Variants in TACC2 observed in about 807,000 individuals in gnomAD.
TACC2 encodes transforming acidic coiled-coil-containing protein 2.
Under a neutral mutation model 227.3 loss-of-function variants are expected in TACC2, and 137 were observed. The ratio of observed to expected loss-of-function variants is 0.60; its 90% CI spans 0.52 to 0.69. TACC2 has a LOEUF of 0.69. TACC2 is among the 30% of genes least tolerant of loss of function. TACC2 has a pLI of 0.00. For missense variants in TACC2, 3,470 were observed against 3,694.4 expected (o/e 0.94, Z 1.57); for synonymous variants, 1,523 against 1,487.5 (o/e 1.02, Z -0.55).
intron 2 of TACC2, chr10:122,032,955 G>A: frequency 2.1e-6 from 1 of 484,332 alleles, no homozygotes; most frequent in Non-Finnish European, 3.6e-6. Flanking sequence ...GCAAGACTCT[G>A]TCTCAACAAA....
chr10:121,991,993 A>G (rs1272242245), intron 1 of TACC2, among the ~76,000 whole-genome samples: 1 of 152,166 alleles, frequency 6.6e-6, no homozygotes, highest in Non-Finnish European at 1.5e-5. Flanking sequence ...AGACTTATTC[A>G]CTATCATGAG....
At chr10:122,016,111 G>C (rs2135428013) in intron 1 of TACC2, among the ~76,000 whole-genome samples, 1 of 146,960 alleles carries the variant, frequency 6.8e-6, no homozygotes, top group East Asian at 2.1e-4. Flanking sequence ...AAAATACTAA[G>C]AGTAGCCAGG....
rs59635444 is a variant in TACC2 at position 122,234,441 on chromosome 10, G to T, written c.8128-2954G>T. Among the ~76,000 whole-genome samples, 1,135 of 152,334 alleles carry T rather than the reference G, an allele frequency of 7.5e-3. 19 individuals carry two copies. The highest frequency in any genetic ancestry group is 0.026 in the African/African-American group (1,086 of 41,576). On this transcript the variant is annotated intron_variant, in intron 16 of 22. Transcript: ENST00000369005. ...GGCCCCTCTAAAGTAGCAAGTGGGGGTTATGTGAGAGAAACAAAGCTTAAT... is the reference window on the plus strand; with the variant it reads ...GGCCCCTCTAAAGTAGCAAGTGGGGTTTATGTGAGAGAAACAAAGCTTAAT...
At chr10:122,009,330 A>G (rs1253470700) in intron 1 of TACC2, among the ~76,000 whole-genome samples, 1 of 152,122 alleles carries the variant, frequency 6.6e-6, no homozygotes, top group Non-Finnish European at 1.5e-5. Context: ...CACAAAAGCT[A>G]ACTTAAAAAC....
At chr10:122,072,454 G>C (rs186867912) in intron 3 of TACC2, among the ~76,000 whole-genome samples, 302 of 152,304 alleles carry the variant, frequency 2.0e-3, no homozygotes, top group Non-Finnish European at 3.0e-3. Flanking sequence ...CTGTGGGGAG[G>C]GTTGTTTGGA....
At chr10:122,167,877 A>ATCTTTT (rs1421924909) in intron 7 of TACC2, among the ~76,000 whole-genome samples, 1 of 151,902 alleles carries the variant, frequency 6.6e-6, no homozygotes, top group Non-Finnish European at 1.5e-5. Flanking sequence ...CTCTCATTAG[A>ATCTTTT]TCTTTTTCTT....
chr10:122,133,104 G>C (rs1195128478), intron 6 of TACC2, among the ~76,000 whole-genome samples: 2 of 152,182 alleles, frequency 1.3e-5, no homozygotes, highest in East Asian at 3.9e-4. Flanking sequence ...GGTTGAGTTA[G>C]CTGCCTTCTG....
chr10:122,008,264 A>ATTATTATTTT, intron 1 of TACC2, among the ~76,000 whole-genome samples: 40 of 134,660 alleles, frequency 3.0e-4, no homozygotes, highest in African/African-American at 5.6e-4. Flanking sequence ...TATTATTATT[A>ATTATTATTTT]TTTTTTTTTT....
chr10:122,168,670 A>C (rs2093324745), intron 7 of TACC2, among the ~76,000 whole-genome samples: 1 of 152,162 alleles, frequency 6.6e-6, no homozygotes, highest in Admixed American at 6.5e-5. Context: ...GTGAACAGCT[A>C]GGACTTGGAT....
chr10:122,110,202 A>G (rs1219302435), intron 5 of TACC2, among the ~76,000 whole-genome samples: 1 of 152,188 alleles, frequency 6.6e-6, no homozygotes, highest in Non-Finnish European at 1.5e-5. Context: ...AGATTCAGCC[A>G]TGGATGCAAT....
intron 3 of TACC2, among the ~76,000 whole-genome samples, chr10:122,058,009 T>C (rs1466058654): frequency 6.6e-6 from 1 of 152,186 alleles, no homozygotes; most frequent in East Asian, 1.9e-4. Flanking sequence ...CCCCTTCCCT[T>C]TTGTGGTTTC....
At position 122,086,501 on chromosome 10, in the gene TACC2, T is replaced by G; in HGVS notation, c.4001T>G (p.Leu1334Arg). The change falls in exon 4 of 23, where the codon CTT becomes CGT. Residue 1334 changes from leucine (L) to arginine (R), a missense_variant. By Grantham distance (102) the Leu-to-Arg change is moderately radical. Around this residue, in one of 10 missense-constraint regions of TACC2, gnomAD observed 1,924 missense variants for 1,978.3 expected, o/e 0.97. Coordinates refer to ENST00000369005, the MANE Select transcript of TACC2 (RefSeq NM_206862.4). ...ATGCCATGCCTGGACCGGATGCCACTTCTGGCCAAGGGCAAGCAGGCAACA... is the reference window on the plus strand; with the variant it reads ...ATGCCATGCCTGGACCGGATGCCACGTCTGGCCAAGGGCAAGCAGGCAACA... ...DSMPCLDRMPLLAKGKQATGE... is the reference protein window; with the variant it reads ...DSMPCLDRMPRLAKGKQATGE... 1.2e-6 allele frequency: 2 copies of G among 1,613,560 alleles called. No homozygotes were observed. The highest frequency in any genetic ancestry group is 1.3e-5 in the African/African-American group (1 of 75,032).
chr10:122,088,572 G>A lies in TACC2; in HGVS notation c.5554G>A (p.Gly1852Ser), dbSNP rs973574478. The change falls in exon 5 of 23, where the codon GGT (glycine) becomes AGT (serine). Residue 1852 changes from glycine (G) to serine (S), a missense_variant. This residue lies in a region of TACC2 where 1,924 missense variants were observed against 1,978.3 expected (regional missense o/e 0.97). Coordinates refer to ENST00000369005, the MANE Select transcript of TACC2 (RefSeq NM_206862.4). ...TAAAGTCACTTCAGATGAGACCAGA[G>A]GTGCGGAAGGAACAGAAAGGTCAGC... ...MDKVTSDETR[G>S]AEGTESSPVA... The A allele has an allele frequency of 1.2e-6, 2 of 1,613,550 alleles. No individual in the cohort carries two copies. The highest frequency in any genetic ancestry group is 1.7e-6 in the Non-Finnish European group (2 of 1,179,794).
intron 5 of TACC2, among the ~76,000 whole-genome samples, chr10:122,129,744 T>G (rs548736364): frequency 1.1e-4 from 16 of 152,278 alleles, no homozygotes; most frequent in Admixed American, 9.8e-4. Flanking sequence ...GCTCACTGCT[T>G]CTTCCATTTC....
chr10:122,026,905 A>G (rs1281373041), intron 2 of TACC2, among the ~76,000 whole-genome samples: 2 of 152,230 alleles, frequency 1.3e-5, no homozygotes, highest in African/African-American at 4.8e-5. Context: ...TGGTGATTAT[A>G]AATAAAACTA....
intron 1 of TACC2, among the ~76,000 whole-genome samples, chr10:122,008,079 T>C (rs760194897): frequency 2.6e-5 from 4 of 152,024 alleles, no homozygotes; most frequent in Non-Finnish European, 4.4e-5. Context: ...GTACATTTCT[T>C]TGTATCACAA....
chr10:122,002,204 A>G (rs1954464567), intron 1 of TACC2, among the ~76,000 whole-genome samples: 2 of 152,290 alleles, frequency 1.3e-5, no homozygotes, highest in African/African-American at 4.8e-5. Flanking sequence ...TACTAATCTC[A>G]TTCATGAAGA....
intron 3 of TACC2, among the ~76,000 whole-genome samples, chr10:122,072,549 A>G (rs1017679310): frequency 7.9e-5 from 12 of 152,134 alleles, no homozygotes; most frequent in African/African-American, 2.7e-4. Flanking sequence ...TCTGTGAATT[A>G]CTATGTTATC....
At chr10:122,252,277 C>T (rs1343163100) in intron 22 of TACC2, among the ~76,000 whole-genome samples, 1 of 152,212 alleles carries the variant, frequency 6.6e-6, no homozygotes, top group Non-Finnish European at 1.5e-5. Flanking sequence ...TGACCTTATA[C>T]ACAACCCTTA....
Sources: allele counts gnomAD v4.1 joint callset (sites outside exome capture counted in the v4.1 genomes callset), GRCh38; gene constraint gnomAD v4.1.1; regional missense constraint gnomAD v4.1.1; transcripts MANE v1.5; gene names NCBI Gene and HGNC (gene_info 2026-07-23, HGNC 2026-07-21).